WDFY4: variants seen among roughly 807,000 people sequenced by gnomAD.
WDFY4 encodes WD repeat- and FYVE domain-containing protein 4.
In WDFY4, 169 loss-of-function variants were observed where a neutral mutation model predicts 351.9. The ratio of observed to expected loss-of-function variants is 0.48; its 90% CI spans 0.42 to 0.55. WDFY4 has a LOEUF of 0.55. WDFY4 is among the 20% of genes least tolerant of loss of function. The probability of loss-of-function intolerance (pLI) is 0.00; values close to 1 mark genes in which losing one functional copy is unlikely to be tolerated. For missense variants in WDFY4, 3,803 were observed against 3,935.6 expected, an observed-to-expected ratio of 0.97 and a Z score of 0.90; for synonymous variants, 1,622 against 1,574.6, an observed-to-expected ratio of 1.03 and a Z score of -0.71.
intron 47 of WDFY4, among the ~76,000 whole-genome samples, chr10:48,914,550 C>CCT (rs1838328110): frequency 6.6e-6 from 1 of 152,140 alleles, no homozygotes; most frequent in African/African-American, 2.4e-5. Flanking sequence ...AACCCAGAGC[C>CCT]ATGTGTGTGT....
intron 32 of WDFY4, among the ~76,000 whole-genome samples, chr10:48,819,326 G>C (rs531872481): frequency 6.6e-6 from 1 of 152,328 alleles, no homozygotes; most frequent in East Asian, 1.9e-4. Context: ...GCAGAAGGCT[G>C]GTGGCCAAAG....
intron 47 of WDFY4, among the ~76,000 whole-genome samples, chr10:48,914,477 T>G (rs113705288): frequency 2.4e-4 from 36 of 152,304 alleles, no homozygotes; most frequent in Non-Finnish European, 4.7e-4. Context: ...TAAATGTCCC[T>G]CTAGCTGTGC....
At chr10:48,851,457 G>A (rs113669435) in intron 39 of WDFY4, among the ~76,000 whole-genome samples, 1 of 152,182 alleles carries the variant, frequency 6.6e-6, no homozygotes, top group African/African-American at 2.4e-5. Flanking sequence ...TCACATGTCC[G>A]TTCATGGCCA....
At chr10:48,703,441 A>T (rs1036318747) in intron 1 of WDFY4, among the ~76,000 whole-genome samples, 2 of 152,216 alleles carry the variant, frequency 1.3e-5, no homozygotes, top group African/African-American at 4.8e-5. Flanking sequence ...GGAGTTTATA[A>T]TCTGGAAATG....
chr10:48,686,052 G>A lies in WDFY4; in HGVS notation c.-18+1051G>A, dbSNP rs1356241238. On this transcript the variant is annotated intron_variant, in intron 1 of 61. Coordinates refer to ENST00000325239, the MANE Select transcript of WDFY4 (RefSeq NM_001394531.1). ...CGTGGAGGTTGGTGTGGCAGAGCCG[G>A]GTAAGGGGCATGCCTGGGGTTCTGG... Among the ~76,000 whole-genome samples the A allele has an allele frequency of 7.2e-5, 11 of 152,074 alleles. 1 individual carries two copies. Among genetic ancestry groups the A allele is most frequent in the Non-Finnish European group, 1.5e-4 (10 of 68,000 alleles).
intron 40 of WDFY4, among the ~76,000 whole-genome samples, chr10:48,870,020 CCT>C (rs1298931032): frequency 2.0e-5 from 3 of 152,322 alleles, no homozygotes; most frequent in Admixed American, 6.5e-5. Context: ...TGCTCTGCTT[CCT>C]CTGTGTGGGC....
At chr10:48,752,696 A>G (rs1312929880) in intron 12 of WDFY4, among the ~76,000 whole-genome samples, 2 of 152,228 alleles carry the variant, frequency 1.3e-5, no homozygotes, top group Non-Finnish European at 1.5e-5. Context: ...TTACATTGTA[A>G]CGTATATCAG....
chr10:48,919,841 T>C (rs1276363077), intron 47 of WDFY4, among the ~76,000 whole-genome samples: 5 of 150,916 alleles, frequency 3.3e-5, no homozygotes, highest in African/African-American at 2.4e-5. Context: ...TGCAAAGACA[T>C]ACTAGCAATT....
intron 3 of WDFY4, 106 bp downstream of exon 3, chr10:48,720,231 G>A: frequency 8.6e-7 from 1 of 1,157,420 alleles, no homozygotes; most frequent in Non-Finnish European, 1.2e-6. Flanking sequence ...GAGCTACAGT[G>A]TTGCCTGCCA....
In WDFY4 at chr10:48,828,914, TTG is replaced by T; in HGVS notation, c.6340+27_6340+28del. On this transcript the variant is annotated intron_variant, in intron 37 of 61. Transcript: ENST00000325239. The stretch of plus-strand genomic sequence containing the variant: ...GAGTGATGGTACATTTTATTTGTCA[TTG>T]TGTGTGTGGGCGGGGGGGGGGCGGG... The T allele has an allele frequency of 1.0e-5, 2 of 199,776 alleles. No individual in the cohort carries two copies. The highest frequency in any genetic ancestry group is 4.2e-5 in the South Asian group (1 of 23,672). 12.4% of individuals were successfully genotyped at this position (199,776 alleles called of 1,614,324 possible). A position where few individuals can be genotyped will look rare whatever the true frequency, so the allele number is the denominator to read the frequency against.
intron 1 of WDFY4, among the ~76,000 whole-genome samples, chr10:48,708,596 A>C (rs1162405323): frequency 6.6e-6 from 1 of 152,216 alleles, no homozygotes; most frequent in Non-Finnish European, 1.5e-5. Flanking sequence ...ATCCTATGTT[A>C]TGGTGTAAGT....
At chr10:48,720,161 A>C (rs1589448752) in intron 3 of WDFY4, 36 bp downstream of exon 3, 3 of 1,543,446 alleles carry the variant, frequency 1.9e-6, no homozygotes, top group Non-Finnish European at 2.6e-6. Context: ...CCCTCTACAG[A>C]GAGCAGTGCA....
In WDFY4 at chr10:48,828,794, G is replaced by A; in HGVS notation, c.6238G>A (p.Gly2080Arg). The A allele has an allele frequency of 6.5e-7, 1 of 1,547,566 alleles. No individual in the cohort carries two copies. The highest frequency in any genetic ancestry group is 8.7e-7 in the Non-Finnish European group (1 of 1,145,168). The change falls in exon 37 of 62, where the codon GGA becomes AGA. Residue 2080 changes from glycine (G) to arginine (R), a missense_variant. Gly to Arg is a moderately radical substitution (Grantham distance 125). Transcript: ENST00000325239. ...ATCCACTAGTTACCCAGAAGGATTT[G>A]GATTGGAGCCCAAGCCTAGAATGTC... ...LNERSYPEGF[G>R]LEPKPRMSTY... is the part of the protein sequence containing the mutation.
chr10:48,721,203 G>A, intron 3 of WDFY4, 58 bp from the exon 4 acceptor site: 1 of 1,497,360 alleles, frequency 6.7e-7, no homozygotes, highest in Non-Finnish European at 9.1e-7. Flanking sequence ...GGCCCTGGAT[G>A]GAGGGGAAGC....
At chr10:48,803,839 C>A (rs1227819320) in intron 25 of WDFY4, among the ~76,000 whole-genome samples, 1 of 152,170 alleles carries the variant, frequency 6.6e-6, no homozygotes, top group Non-Finnish European at 1.5e-5. Flanking sequence ...TGATCTCATC[C>A]TGTAGCTGGG....
intron 38 of WDFY4, 97 bp from the exon 39 acceptor site, chr10:48,832,476 C>A: frequency 7.3e-7 from 1 of 1,370,782 alleles, no homozygotes. Context: ...CCACAGGGGG[C>A]TCATGCCCCT....
At chr10:48,946,756 AAT>A (rs1841062707) in intron 50 of WDFY4, 102 bp from the exon 51 acceptor site, 2 of 832,258 alleles carry the variant, frequency 2.4e-6, no homozygotes, top group Non-Finnish European at 2.0e-6. Flanking sequence ...AACGTCAATG[AAT>A]ATATGTTTTT....
chr10:48,971,781 T>C (rs1181197236), intron 57 of WDFY4, among the ~76,000 whole-genome samples: 1 of 152,140 alleles, frequency 6.6e-6, no homozygotes, highest in Non-Finnish European at 1.5e-5. Context: ...AGTGCACCCC[T>C]GAGAGGCAGC....
At chr10:48,919,673 C>G (rs2133569808) in intron 47 of WDFY4, among the ~76,000 whole-genome samples, 1 of 152,314 alleles carries the variant, frequency 6.6e-6, no homozygotes, top group East Asian at 1.9e-4. Flanking sequence ...AAACAATTGT[C>G]TGGAGCCCCT....
Sources: allele counts gnomAD v4.1 joint callset (sites outside exome capture counted in the v4.1 genomes callset), GRCh38; gene constraint gnomAD v4.1.1; transcripts MANE v1.5; gene names NCBI Gene and HGNC (gene_info 2026-07-23, HGNC 2026-07-21).